SDK1: variants seen among roughly 807,000 people sequenced by gnomAD.
SDK1 encodes the protein protein sidekick-1.
Under a neutral mutation model 245.5 loss-of-function variants are expected in SDK1, and 157 were observed. That is an observed-to-expected ratio of 0.64 (90% CI 0.56 to 0.73). The LOEUF is 0.73. Ranked by LOEUF, SDK1 falls within the 30% of genes least tolerant of loss-of-function variation. The probability of loss-of-function intolerance (pLI) is 0.00; values close to 1 mark genes in which losing one functional copy is unlikely to be tolerated. For synonymous variants in SDK1, 1,647 were observed against 1,278.5 expected, an observed-to-expected ratio of 1.29 and a Z score of -6.15; for missense variants, 3,583 against 3,002.3, an observed-to-expected ratio of 1.19 and a Z score of -4.52.
In SDK1 at chr7:4,132,979, C is replaced by T. The variant is rs150706537; in HGVS notation, c.4228+556C>T. Among the ~76,000 whole-genome samples, 8 of 152,244 alleles carry T rather than the reference C, an allele frequency of 5.3e-5. No individual in the cohort carries two copies. In the East Asian group the frequency reaches 1.4e-3, roughly 26 times the overall value. The stretch of plus-strand genomic sequence containing the variant: ...TCTTCCATTCGTTTGCGGCTCATGG[C>T]GATACCGTTTGTAACCGACCTTCCC... On this transcript the variant is annotated intron_variant, in intron 28 of 44. Transcript: ENST00000404826.
intron 37 of SDK1, among the ~76,000 whole-genome samples, chr7:4,208,888 T>G (rs1399304522): frequency 6.6e-6 from 1 of 152,220 alleles, no homozygotes; most frequent in East Asian, 1.9e-4. Context: ...CATCTCAGTT[T>G]CCTAGCAGCC....
chr7:3,462,104 A>C (rs545163361), intron 1 of SDK1, among the ~76,000 whole-genome samples: 54 of 152,150 alleles, frequency 3.5e-4, no homozygotes, highest in African/African-American at 1.3e-3. Context: ...CACCTTTTTC[A>C]TGTGGTTTCC....
At chr7:3,352,644 G>A (rs1195095972) in intron 1 of SDK1, among the ~76,000 whole-genome samples, 1 of 152,150 alleles carries the variant, frequency 6.6e-6, no homozygotes, top group African/African-American at 2.4e-5. Flanking sequence ...CCACTCATGG[G>A]CTGTCACAGA....
chr7:3,563,337 G>C (rs1253359014), intron 1 of SDK1, among the ~76,000 whole-genome samples: 1 of 152,006 alleles, frequency 6.6e-6, no homozygotes. Flanking sequence ...AGATGGGGCG[G>C]AAAAACAAGA....
At chr7:3,989,727 T>C (rs962385411) in intron 14 of SDK1, among the ~76,000 whole-genome samples, 1 of 152,206 alleles carries the variant, frequency 6.6e-6, no homozygotes, top group African/African-American at 2.4e-5. Context: ...TCCCAGCTGA[T>C]GTCAGCCTGT....
chr7:4,170,374 G>C (rs1781761437), intron 32 of SDK1, among the ~76,000 whole-genome samples: 1 of 152,120 alleles, frequency 6.6e-6, no homozygotes, highest in South Asian at 2.1e-4. Context: ...TTGAGCCCAG[G>C]AGGTCGAGGC....
At chr7:3,654,342 T>C (rs1375222234) in intron 4 of SDK1, among the ~76,000 whole-genome samples, 2 of 152,156 alleles carry the variant, frequency 1.3e-5, no homozygotes, top group Admixed American at 6.5e-5. Context: ...AGCGCCACAT[T>C]GCTTTCATGA....
At chr7:3,626,134 C>G (rs971817244) in intron 2 of SDK1, among the ~76,000 whole-genome samples, 2 of 151,444 alleles carry the variant, frequency 1.3e-5, no homozygotes, top group Admixed American at 6.6e-5. Context: ...GACACAGGGT[C>G]TTGCTATGTT....
chr7:3,458,780 C>G (rs1780746926), intron 1 of SDK1, among the ~76,000 whole-genome samples: 1 of 152,130 alleles, frequency 6.6e-6, no homozygotes, highest in Non-Finnish European at 1.5e-5. Context: ...CTTTGTAGGA[C>G]TCTTTCTACT....
At chr7:3,544,675 T>C (rs1199330695) in intron 1 of SDK1, among the ~76,000 whole-genome samples, 2 of 152,266 alleles carry the variant, frequency 1.3e-5, no homozygotes, top group Admixed American at 6.5e-5. Flanking sequence ...GATCGCATTC[T>C]GAAAACATCA....
chr7:3,537,241 A>G (rs1385993078), intron 1 of SDK1, among the ~76,000 whole-genome samples: 1 of 152,212 alleles, frequency 6.6e-6, no homozygotes, highest in Non-Finnish European at 1.5e-5. Flanking sequence ...GTGTCTGACT[A>G]TCCCATTATC....
intron 40 of SDK1, among the ~76,000 whole-genome samples, chr7:4,222,614 G>A (rs1785207410): frequency 6.6e-6 from 1 of 152,174 alleles, no homozygotes; most frequent in African/African-American, 2.4e-5. Context: ...AAACTTCTAA[G>A]GAGAAACCTA....
At chr7:3,370,355 A>G (rs1781191467) in intron 1 of SDK1, among the ~76,000 whole-genome samples, 1 of 152,254 alleles carries the variant, frequency 6.6e-6, no homozygotes, top group South Asian at 2.1e-4. Flanking sequence ...TGAGGGAGAG[A>G]GAAAACAATT....
intron 35 of SDK1, among the ~76,000 whole-genome samples, chr7:4,191,301 G>A (rs1023475685): frequency 2.6e-5 from 4 of 152,184 alleles, no homozygotes; most frequent in Non-Finnish European, 5.9e-5. Context: ...GTTCCCTTTC[G>A]TGCTCAGGCT....
At chr7:3,330,807 TAAAA>T (rs35013618) in intron 1 of SDK1, among the ~76,000 whole-genome samples, 2 of 115,372 alleles carry the variant, frequency 1.7e-5, no homozygotes, top group Non-Finnish European at 3.5e-5. Flanking sequence ...CCATTTCGCT[TAAAA>T]AAAAAAAAAA....
At chr7:3,329,718 T>C (rs1780021943) in intron 1 of SDK1, among the ~76,000 whole-genome samples, 1 of 152,204 alleles carries the variant, frequency 6.6e-6, no homozygotes, top group Non-Finnish European at 1.5e-5. Context: ...GTTCTCTGCA[T>C]TGGTGCATTC....
At chr7:3,939,484 G>A (rs1256667986) in intron 5 of SDK1, among the ~76,000 whole-genome samples, 1 of 152,074 alleles carries the variant, frequency 6.6e-6, no homozygotes, top group Non-Finnish European at 1.5e-5. Context: ...TTTCTTGTTA[G>A]AAAGGAAATC....
chr7:3,578,176 G>T (rs1780360148), intron 1 of SDK1, among the ~76,000 whole-genome samples: 1 of 151,974 alleles, frequency 6.6e-6, no homozygotes, highest in African/African-American at 2.4e-5. Flanking sequence ...GAATTTTACA[G>T]TTGGGCCGCC....
rs532030045 is a variant in SDK1, at chr7:4,049,295, C to A, written c.2603-53C>A. 2.6e-5 allele frequency: 36 copies of A among 1,388,244 alleles called. No homozygotes were observed. In the African/African-American group the frequency reaches 4.1e-4, roughly 16 times the overall value. The allele number at this position is 1,388,244 out of a possible 1,614,324, so 86.0% of individuals were successfully genotyped here. On this transcript the variant is annotated intron_variant, in intron 17 of 44. Coordinates refer to ENST00000404826, the MANE Select transcript of SDK1 (RefSeq NM_152744.4). ...GGGTTTCCTTTCTGTCTCTCCACCC[C>A]ATGGTCCCTCCTGCCATTTGTTCTG...
Sources: gnomAD v4.1 joint callset for allele counts (sites outside exome capture counted in the v4.1 genomes callset) on GRCh38, gnomAD v4.1.1 for gene constraint, MANE v1.5 for transcripts, NCBI Gene and HGNC (gene_info 2026-07-23, HGNC 2026-07-21) for gene names.